Variants in RBMS3 observed in about 807,000 individuals in gnomAD.
The protein encoded by RBMS3 is RNA-binding motif, single-stranded-interacting protein 3.
A neutral mutation model predicts 66.8 loss-of-function variants in RBMS3; 27 were observed. That is an observed-to-expected ratio of 0.40 (90% confidence interval 0.30 to 0.56). The LOEUF is 0.56. Among genes scored for constraint, RBMS3 ranks in the 20% least tolerant of loss-of-function variants. RBMS3 has a pLI of 0.40. For synonymous variants in RBMS3, 188 were observed against 183.0 expected, an observed-to-expected ratio of 1.03 and a Z score of -0.22; for missense variants, 513 against 549.5, an observed-to-expected ratio of 0.93 and a Z score of 0.66.
chr3:29,814,380 T>C (rs1214748253), intron 6 of RBMS3, among the ~76,000 whole-genome samples: 1 of 152,206 alleles, frequency 6.6e-6, no homozygotes, highest in Non-Finnish European at 1.5e-5. Flanking sequence ...GGATTCGGTT[T>C]CCCAGTATTT....
At position 30,001,809 on chromosome 3, in the gene RBMS3, A is replaced by C. The variant is rs149424826; in HGVS notation, c.1308-2047A>C. Among the ~76,000 whole-genome samples the C allele has an allele frequency of 6.8e-5, 10 of 146,288 alleles. No individual in the cohort carries two copies. The East Asian group carries it at 1.9e-3, about 28-fold the overall frequency. On this transcript the variant is annotated intron_variant, in intron 14 of 14. Transcript: ENST00000383767. ...TCTTATTTTATTATTTATTTTATTTATTTATTTTATTTCTAAAATGTCCAA... is the reference window on the plus strand; with the variant it reads ...TCTTATTTTATTATTTATTTTATTTCTTTATTTTATTTCTAAAATGTCCAA...
intron 10 of RBMS3, among the ~76,000 whole-genome samples, chr3:29,916,578 G>A (rs949603028): frequency 6.6e-6 from 1 of 151,844 alleles, no homozygotes; most frequent in Non-Finnish European, 1.5e-5. Context: ...CTGTTCAGGG[G>A]AAGCACATAT....
intron 6 of RBMS3, among the ~76,000 whole-genome samples, chr3:29,849,380 G>A (rs941576729): frequency 2.6e-5 from 4 of 151,934 alleles, no homozygotes; most frequent in Non-Finnish European, 2.9e-5. Context: ...CGGGCACAGT[G>A]GCAGGTGCCT....
At chr3:29,612,143 C>T (rs989560152) in intron 4 of RBMS3, among the ~76,000 whole-genome samples, 7 of 151,864 alleles carry the variant, frequency 4.6e-5, no homozygotes, top group Non-Finnish European at 1.0e-4. Context: ...AGTATTCGAC[C>T]AAAGTTAACT....
intron 4 of RBMS3, among the ~76,000 whole-genome samples, chr3:29,628,042 A>G (rs950117226): frequency 2.0e-5 from 3 of 152,184 alleles, no homozygotes; most frequent in Non-Finnish European, 4.4e-5. Context: ...GACATATTAA[A>G]TTACCGGATT....
intron 3 of RBMS3, among the ~76,000 whole-genome samples, chr3:29,549,806 A>G (rs1054621835): frequency 1.3e-5 from 2 of 152,176 alleles, no homozygotes; most frequent in African/African-American, 4.8e-5. Context: ...AAAATCTAAT[A>G]TATGGTTCTT....
At chr3:29,517,350 T>C (rs1286264634) in intron 3 of RBMS3, among the ~76,000 whole-genome samples, 1 of 148,616 alleles carries the variant, frequency 6.7e-6, no homozygotes, top group African/African-American at 2.5e-5. Context: ...TGAAACAGAG[T>C]CTCGCTCTGT....
At chr3:29,893,120 T>C (rs2149595422) in intron 8 of RBMS3, among the ~76,000 whole-genome samples, 1 of 151,534 alleles carries the variant, frequency 6.6e-6, no homozygotes. Context: ...AATACCAGAA[T>C]TAGGAGATCA....
rs148193866 is a variant in RBMS3 at position 29,368,746 on chromosome 3, T to C, written c.76-65997T>C. On this transcript the variant is annotated intron_variant, in intron 1 of 14. Transcript: ENST00000383767. ...CTGGGAATGTAGATTAGTTCAATCA[T>C]TGTGGAAAACAGTGTGGTGATTCCT... Among the ~76,000 whole-genome samples, 13 of 152,300 alleles carry C rather than the reference T, an allele frequency of 8.5e-5. No homozygotes were observed. In the East Asian group the frequency reaches 2.3e-3, roughly 27 times the overall value.
chr3:30,009,423 CAT>C lies in RBMS3; in HGVS notation c.*5563_*5564del, dbSNP rs1447733454. 3.3e-5 allele frequency: 5 copies of C among 151,990 alleles called. No individual in the cohort carries two copies. Among genetic ancestry groups the C allele is most frequent in the Admixed American group, 3.3e-4 (5 of 15,238 alleles). 9.4% of individuals were successfully genotyped at this position (151,990 alleles called of 1,614,324 possible). ...AAATTAATATCAGTACATTATATGT[CAT>C]AAATTTTGATTATCTATAATGTCTT... On this transcript the variant is annotated 3_prime_UTR_variant, in exon 15 of 15. Transcript: ENST00000383767.
rs1468730191 is a variant in RBMS3 at position 30,008,193 on chromosome 3, C to T, written c.*4331C>T. Reference sequence around the variant, plus strand: ...AAAGTGAAATTTGATTTAATTAGGACTCTTGCAGTCATCTTCACGACTGAG... The same window carrying T: ...AAAGTGAAATTTGATTTAATTAGGATTCTTGCAGTCATCTTCACGACTGAG... On this transcript the variant is annotated 3_prime_UTR_variant, in exon 15 of 15. Transcript: ENST00000383767. 1 of 151,834 alleles carries T rather than the reference C, an allele frequency of 6.6e-6. No individual in the cohort carries two copies. Among genetic ancestry groups the T allele is most frequent in the Non-Finnish European group, 1.5e-5 (1 of 67,952 alleles). The allele number at this position is 151,834 out of a possible 1,614,324, so 9.4% of individuals were successfully genotyped here.
At chr3:29,681,336 T>A (rs187991432) in intron 4 of RBMS3, among the ~76,000 whole-genome samples, 256 of 152,264 alleles carry the variant, frequency 1.7e-3, no homozygotes, top group South Asian at 0.011. Context: ...ATAACTTTAT[T>A]TTTTTTTCTT....
intron 3 of RBMS3, among the ~76,000 whole-genome samples, chr3:29,582,334 T>C: frequency 6.6e-6 from 1 of 152,208 alleles, no homozygotes; most frequent in East Asian, 1.9e-4. Context: ...GGAATGAGTG[T>C]ATTTGGCAAA....
At chr3:29,396,635 T>C (rs996418013) in intron 1 of RBMS3, among the ~76,000 whole-genome samples, 1 of 152,108 alleles carries the variant, frequency 6.6e-6, no homozygotes, top group African/African-American at 2.4e-5. Flanking sequence ...GATGGACAAA[T>C]AAATCTAGAT....
intron 10 of RBMS3, among the ~76,000 whole-genome samples, chr3:29,908,729 A>G (rs1577118196): frequency 6.6e-6 from 1 of 152,166 alleles, no homozygotes; most frequent in East Asian, 1.9e-4. Context: ...AACAAATAAT[A>G]AAAACAAATA....
intron 10 of RBMS3, among the ~76,000 whole-genome samples, chr3:29,920,129 C>T (rs1479921077): frequency 6.6e-6 from 1 of 152,084 alleles, no homozygotes; most frequent in Non-Finnish European, 1.5e-5. Context: ...TCCTCACAGA[C>T]ATGCTGAAAA....
chr3:29,738,323 A>G (rs1430830615), intron 4 of RBMS3, among the ~76,000 whole-genome samples: 1 of 152,186 alleles, frequency 6.6e-6, no homozygotes, highest in Non-Finnish European at 1.5e-5. Flanking sequence ...TGTCTGGCTT[A>G]TCCTTGAAGC....
intron 2 of RBMS3, among the ~76,000 whole-genome samples, chr3:29,461,267 G>C (rs1197000796): frequency 2.0e-5 from 3 of 152,206 alleles, no homozygotes; most frequent in African/African-American, 7.2e-5. Context: ...AGCTTCTAAA[G>C]TTGGCTTTCC....
intron 3 of RBMS3, among the ~76,000 whole-genome samples, chr3:29,519,638 T>C (rs1447674656): frequency 6.6e-6 from 1 of 152,146 alleles, no homozygotes; most frequent in East Asian, 1.9e-4. Context: ...TCTATCTGAA[T>C]GAAAAATCTC....
Sources: allele counts gnomAD v4.1 joint callset (sites outside exome capture counted in the v4.1 genomes callset), GRCh38; gene constraint gnomAD v4.1.1; transcripts MANE v1.5; gene names NCBI Gene and HGNC (gene_info 2026-07-23, HGNC 2026-07-21).